Variants in UGT1A3 observed in about 807,000 individuals in gnomAD.
UGT1A3 encodes the protein UDP-glucuronosyltransferase 1A3.
UGT1A3 carries 31 observed loss-of-function variants against 41.0 expected under a neutral mutation model. The observed-to-expected ratio is 0.76, with a 90% CI of 0.57 to 1.02. The LOEUF is 1.02. Ranked by LOEUF, UGT1A3 falls within the 50% of genes least tolerant of loss-of-function variation. The pLI is 0.00. For missense variants in UGT1A3, 737 were observed against 671.0 expected, an observed-to-expected ratio of 1.10 and a Z score of -1.09; for synonymous variants, 262 against 257.6, an observed-to-expected ratio of 1.02 and a Z score of -0.17.
At chr2:233,765,432 A>G (rs926269161) in intron 1 of UGT1A3, among the ~76,000 whole-genome samples, 3 of 152,240 alleles carry the variant, frequency 2.0e-5, no homozygotes, top group Non-Finnish European at 2.9e-5. Flanking sequence ...AGCCATAACA[A>G]GGAATGAGAT....
intron 1 of UGT1A3, chr2:233,761,087 C>G (rs141950052): frequency 6.2e-7 from 1 of 1,614,018 alleles, no homozygotes; most frequent in Non-Finnish European, 8.5e-7. Flanking sequence ...TACCCTAGGC[C>G]CATCATGCCC....
chr2:233,747,765 A>T, intron 1 of UGT1A3: 1 of 1,613,500 alleles, frequency 6.2e-7, no homozygotes, highest in Non-Finnish European at 8.5e-7. Context: ...CTTTAAGGGC[A>T]CACAGTGTCC....
chr2:233,748,656 G>A (rs1055285615), intron 1 of UGT1A3, among the ~76,000 whole-genome samples: 3 of 151,770 alleles, frequency 2.0e-5, no homozygotes, highest in African/African-American at 4.9e-5. Context: ...ACTGAGTTCA[G>A]TTTCCAGAGA....
rs923057819 is a variant in UGT1A3 at position 233,747,207 on chromosome 2, T to G, written c.867+17214T>G. ...TGGACAGTCAGCTGTCCGTGTCTTC[T>G]GCTGAGATGGCCACAGGACCCCAGG... On this transcript the variant is annotated intron_variant, in intron 1 of 4. Transcript: ENST00000482026. The G allele has an allele frequency of 3.1e-6, 5 of 1,605,116 alleles. No individual in the cohort carries two copies. In the African/African-American group the frequency reaches 4.0e-5, roughly 13 times the overall value.
At chr2:233,760,501 G>A (rs2125985080) in intron 1 of UGT1A3, 3 of 1,614,238 alleles carry the variant, frequency 1.9e-6, no homozygotes, top group Non-Finnish European at 2.5e-6. Flanking sequence ...CAGAGACGGA[G>A]CATTTTACAC....
chr2:233,772,440 C>T lies in UGT1A3; in HGVS notation c.1486C>T (p.Leu496Phe). 3 of 1,614,194 alleles carry T rather than the reference C, an allele frequency of 1.9e-6. No individual in the cohort carries two copies. Among genetic ancestry groups the T allele is most frequent in the South Asian group, 2.2e-5 (2 of 91,088 alleles). ...CCATTCCTTGGACGTGATTGGTTTC[C>T]TCTTGGCCGTCGTGCTGACAGTGGC... ...QYHSLDVIGF[L>F]LAVVLTVAFI... is the part of the protein sequence containing the mutation. Residue 496 changes from leucine to phenylalanine, a missense_variant, in exon 5 of 5, where the codon CTC becomes TTC. Transcript: ENST00000482026.
At position 233,747,294 on chromosome 2, in the gene UGT1A3, G is replaced by T. The variant is rs1361092863; in HGVS notation, c.867+17301G>T. 2.5e-6 allele frequency: 4 copies of T among 1,601,728 alleles called. No homozygotes were observed. In the Admixed American group the frequency reaches 6.7e-5, roughly 27 times the overall value. ...TTCTCAGTGCCCAGCCCTGGGCTGA[G>T]AGTGGGAAGGTGCTGGTGGTACCCA... On this transcript the variant is annotated intron_variant, in intron 1 of 4. Transcript: ENST00000482026.
intron 1 of UGT1A3, 44 bp from the exon 2 acceptor site, chr2:233,766,990 G>T: frequency 1.2e-6 from 2 of 1,613,182 alleles, no homozygotes; most frequent in Non-Finnish European, 8.5e-7. Context: ...AGTCATCAAA[G>T]AATATGAGAA....
intron 4 of UGT1A3, among the ~76,000 whole-genome samples, chr2:233,768,740 G>A (rs6431630): frequency 0.18 from 26,721 of 151,438 alleles, 3,378 homozygotes; most frequent in African/African-American, 0.35. Context: ...CCACCACCAC[G>A]CCCGGTTAAT....
intron 1 of UGT1A3, among the ~76,000 whole-genome samples, chr2:233,764,509 G>A (rs1698579622): frequency 6.6e-6 from 1 of 152,192 alleles, no homozygotes; most frequent in Non-Finnish European, 1.5e-5. Flanking sequence ...GTTCAATTTT[G>A]TGTGAATCAC....
At chr2:233,755,813 A>T (rs1317393692) in intron 1 of UGT1A3, 3 of 152,236 alleles carry the variant, frequency 2.0e-5, no homozygotes, top group African/African-American at 7.2e-5. Context: ...TTAAAACAGA[A>T]TTAAAAAGAC....
chr2:233,745,835 T>A (rs2125873644), intron 1 of UGT1A3, among the ~76,000 whole-genome samples: 1 of 151,430 alleles, frequency 6.6e-6, no homozygotes, highest in African/African-American at 2.4e-5. Context: ...GGACTCTGAA[T>A]TTTCTTCTGT....
In UGT1A3 at chr2:233,772,667, T is replaced by A; in HGVS notation, c.*108T>A. 1 of 1,538,078 alleles carries A rather than the reference T, an allele frequency of 6.5e-7. No individual in the cohort carries two copies. Among genetic ancestry groups the A allele is most frequent in the East Asian group, 2.4e-5 (1 of 40,984 alleles). Reference sequence around the variant, plus strand: ...TTTTATTCTTATTAAGGAAATACTTTGCATAAATTAATCAGCCCCAGAGTG... The same window carrying A: ...TTTTATTCTTATTAAGGAAATACTTAGCATAAATTAATCAGCCCCAGAGTG... On this transcript the variant is annotated 3_prime_UTR_variant, in exon 5 of 5. Coordinates refer to ENST00000482026, the MANE Select transcript of UGT1A3 (RefSeq NM_019093.4).
At chr2:233,747,217 G>T in intron 1 of UGT1A3, 3 of 1,605,392 alleles carry the variant, frequency 1.9e-6, no homozygotes, top group Non-Finnish European at 1.7e-6. Flanking sequence ...TGCTGAGATG[G>T]CCACAGGACC....
Position 233,773,207 on chromosome 2 carries a change from A to G in UGT1A3, c.*648A>G, listed in dbSNP as rs1436243452. On this transcript the variant is annotated 3_prime_UTR_variant, in exon 5 of 5. Coordinates refer to ENST00000482026, the MANE Select transcript of UGT1A3 (RefSeq NM_019093.4). ...TCAAATGGAGCTGAATTTGATAAAAACCCAAAATACAGCTATGAAGTGCTG... is the reference window on the plus strand; with the variant it reads ...TCAAATGGAGCTGAATTTGATAAAAGCCCAAAATACAGCTATGAAGTGCTG... 1 of 152,384 alleles carries G rather than the reference A, an allele frequency of 6.6e-6. No homozygotes were observed. The highest frequency in any genetic ancestry group is 2.4e-5 in the African/African-American group (1 of 41,416). The allele number at this position is 152,384 out of a possible 1,614,324, so 9.4% of individuals were successfully genotyped here. A position where few individuals can be genotyped will look rare whatever the true frequency, so the allele number is the denominator to read the frequency against.
In UGT1A3 at chr2:233,769,728, GCCTGT is replaced by G. The variant is rs1290172672; in HGVS notation, c.1307+1290_1307+1294del. The G allele has an allele frequency of 6.8e-7, 1 of 1,472,430 alleles. No individual in the cohort carries two copies. Among genetic ancestry groups the G allele is most frequent in the African/African-American group, 1.4e-5 (1 of 71,662 alleles). 91.2% of individuals were successfully genotyped at this position (1,472,430 alleles called of 1,614,324 possible). A position where few individuals can be genotyped will look rare whatever the true frequency, so the allele number is the denominator to read the frequency against. On this transcript the variant is annotated intron_variant, in intron 4 of 4. Coordinates refer to ENST00000482026, the MANE Select transcript of UGT1A3 (RefSeq NM_019093.4). This position sits in a 1 kb window ranked among gnomAD's most constrained non-coding sequence, Gnocchi z 4.4. ...ATGTTGGCTAGGCACCATGGCACAC[GCCTGT>G]AGTCCCAGCCACTCTGGAGGCTAAG...
intron 1 of UGT1A3, among the ~76,000 whole-genome samples, chr2:233,731,282 T>C (rs1433914166): frequency 1.4e-5 from 2 of 144,984 alleles, no homozygotes; most frequent in African/African-American, 2.6e-5. Context: ...CAGTTTTTCT[T>C]TCTTTTTTTT....
chr2:233,745,955 G>T (rs1353220886), intron 1 of UGT1A3, among the ~76,000 whole-genome samples: 1 of 151,634 alleles, frequency 6.6e-6, no homozygotes, highest in Non-Finnish European at 1.5e-5. Flanking sequence ...GGCAACTGGG[G>T]GACAGGGGCC....
In UGT1A3 at chr2:233,767,094, T is replaced by A; in HGVS notation, c.928T>A (p.Ser310Thr). 3 of 1,614,120 alleles carry A rather than the reference T, an allele frequency of 1.9e-6. No homozygotes were observed. The highest frequency in any genetic ancestry group is 2.5e-6 in the Non-Finnish European group (3 of 1,180,014). ...EHGIVVFSLG[S>T]MVSEIPEKKA... ...TGGAATTGTGGTTTTCTCTTTGGGA[T>A]CAATGGTCTCAGAAATTCCAGAGAA... Residue 310 changes from serine (S) to threonine (T), a missense_variant, in exon 2 of 5, where the codon TCA (serine) becomes ACA (threonine). Transcript: ENST00000482026.
Sources: allele counts gnomAD v4.1 joint callset (sites outside exome capture counted in the v4.1 genomes callset), GRCh38; gene constraint gnomAD v4.1.1; non-coding constraint Gnocchi (gnomAD v3.1); transcripts MANE v1.5; gene names NCBI Gene and HGNC (gene_info 2026-07-23, HGNC 2026-07-21).